Variants in LPA observed in about 807,000 individuals in gnomAD.
The protein encoded by LPA is apolipoprotein(a).
Under a neutral mutation model 197.9 loss-of-function variants are expected in LPA, and 199 were observed. The ratio of observed to expected loss-of-function variants is 1.01; its 90% CI spans 0.90 to 1.13. LPA has a LOEUF of 1.13. Ranked by LOEUF, LPA falls within the 50% of genes most tolerant of loss-of-function variation. The pLI is 0.00. For synonymous variants in LPA, 715 were observed against 639.5 expected, an observed-to-expected ratio of 1.12 and a Z score of -1.78; for missense variants, 1,853 against 1,785.8, an observed-to-expected ratio of 1.04 and a Z score of -0.68.
rs1779199652 is a variant in LPA at position 160,599,617 on chromosome 6, T to C, written c.3170A>G (p.His1057Arg). ...TGTGCCTCGGTAACTCTGTCCATAA[T>C]GGTAGTAGCAGTCCTGTACCCCGGG... ...ETPGVQDCYY[H>R]YGQSYRGTYS... The change falls in exon 20 of 39, where the codon CAT becomes CGT. Residue 1057 changes from histidine (H) to arginine (R), a missense_variant. Coordinates refer to ENST00000316300, the MANE Select transcript of LPA (RefSeq NM_005577.4). The C allele has an allele frequency of 2.5e-6, 4 of 1,614,154 alleles. No individual in the cohort carries two copies. Among genetic ancestry groups the C allele is most frequent in the Non-Finnish European group, 3.4e-6 (4 of 1,179,980 alleles).
intron 30 of LPA, among the ~76,000 whole-genome samples, chr6:160,555,576 T>C (rs1436327929): frequency 2.0e-5 from 3 of 150,258 alleles, no homozygotes; most frequent in Non-Finnish European, 4.4e-5. Flanking sequence ...TACATACTAG[T>C]CTGAATAAAC....
At chr6:160,573,111 A>G (rs6906412) in intron 28 of LPA, among the ~76,000 whole-genome samples, 62,431 of 151,764 alleles carry the variant, frequency 0.41, 13,748 homozygotes, top group African/African-American at 0.58. Context: ...AGACATCTTG[A>G]AGGCTTTGTT....
In LPA at chr6:160,585,139, GT is replaced by G. The variant is rs1167644222; in HGVS notation, c.4195del (p.Thr1399HisfsTer17). On this transcript the variant is annotated frameshift_variant, in exon 26 of 39. Coordinates refer to ENST00000316300, the MANE Select transcript of LPA (RefSeq NM_005577.4). LOFTEE classifies it high-confidence loss of function. Reference sequence around the variant, plus strand: ...TCTTCCTGTGATAGTGGTGGAGAGTGTGCCTCGATAACTCTGTCCATCACCT... The same window carrying G: ...TCTTCCTGTGATAGTGGTGGAGAGTGGCCTCGATAACTCTGTCCATCACCT... ...YRGDGQSYRG[T>X]LSTTITGRTC... The G allele has an allele frequency of 1.2e-5, 19 of 1,613,736 alleles. No individual in the cohort carries two copies. Among genetic ancestry groups the G allele is most frequent in the Non-Finnish European group, 1.6e-5 (19 of 1,179,806 alleles).
intron 1 of LPA, among the ~76,000 whole-genome samples, chr6:160,659,290 A>G (rs947690265): frequency 1.3e-5 from 2 of 152,162 alleles, no homozygotes; most frequent in African/African-American, 4.8e-5. Context: ...GCTGGGGCAC[A>G]CTGGGGTGTG....
intron 16 of LPA, among the ~76,000 whole-genome samples, chr6:160,610,918 G>A (rs1390011169): frequency 1.3e-5 from 2 of 152,044 alleles, no homozygotes; most frequent in Non-Finnish European, 2.9e-5. Flanking sequence ...GTTGATTATG[G>A]CCAAATGATT....
chr6:160,586,458 A>G lies in LPA; in HGVS notation c.4120T>C (p.Ser1374Pro), dbSNP rs1778911970. ...ACTGCAGGCTTCTTACCTTCTTCAG[A>G]AGGAAGCTCTGTGCTTGGAACTGGG... Reference protein sequence around the residue: ...VVPVPSTELPSEEAPTENSTG... With the variant: ...VVPVPSTELPPEEAPTENSTG... Residue 1374 changes from serine to proline, a missense_variant, in exon 25 of 39, where the codon TCT becomes CCT. Ser to Pro is a moderately conservative substitution (Grantham distance 74). Transcript: ENST00000316300. 6.2e-7 allele frequency: 1 copy of G among 1,613,440 alleles called. No homozygotes were observed. Among genetic ancestry groups the G allele is most frequent in the African/African-American group, 1.3e-5 (1 of 74,868 alleles).
At chr6:160,608,998 G>T (rs1440681512) in intron 16 of LPA, among the ~76,000 whole-genome samples, 1 of 152,036 alleles carries the variant, frequency 6.6e-6, no homozygotes, top group African/African-American at 2.4e-5. Flanking sequence ...TTAAGACATA[G>T]CTTTTTACAC....
At chr6:160,651,445 C>T (rs1442359628) in intron 1 of LPA, among the ~76,000 whole-genome samples, 1 of 152,166 alleles carries the variant, frequency 6.6e-6, no homozygotes, top group African/African-American at 2.4e-5. Flanking sequence ...GGAATTTAAA[C>T]CTGTGGTGCA....
At chr6:160,542,666 T>A (rs150325648) in intron 34 of LPA, 22 bp downstream of exon 34, 2 of 1,612,282 alleles carry the variant, frequency 1.2e-6, no homozygotes, top group Non-Finnish European at 1.7e-6. Flanking sequence ...ACAGTATAGA[T>A]GGTTTCTGGG....
At chr6:160,634,905 G>A (rs1442798813) in intron 7 of LPA, among the ~76,000 whole-genome samples, 2 of 150,248 alleles carry the variant, frequency 1.3e-5, no homozygotes, top group African/African-American at 5.1e-5. Context: ...CACCCTGGAA[G>A]GTTTGTGCCC....
intron 1 of LPA, 138 bp from the exon 2 acceptor site, chr6:160,650,635 T>C (rs1779988556): frequency 1.3e-6 from 1 of 764,362 alleles, no homozygotes; most frequent in African/African-American, 1.7e-5. Flanking sequence ...CAGACAGACG[T>C]GCAAAAAACC....
chr6:160,653,909 G>C (rs1187262609), intron 1 of LPA, among the ~76,000 whole-genome samples: 1 of 67,554 alleles, frequency 1.5e-5, no homozygotes, highest in Non-Finnish European at 3.1e-5. Flanking sequence ...GGGTTCTCTA[G>C]AGGGACAGAA....
chr6:160,555,313 G>GTGTA (rs1778241471), intron 30 of LPA, among the ~76,000 whole-genome samples: 1 of 141,518 alleles, frequency 7.1e-6, no homozygotes, highest in African/African-American at 2.6e-5. Flanking sequence ...GTGTGTGTGT[G>GTGTA]TGTGTGTGTA....
chr6:160,658,891 T>TGA (rs4063599), intron 1 of LPA, among the ~76,000 whole-genome samples: 53,445 of 148,774 alleles, frequency 0.36, 9,935 homozygotes, highest in Non-Finnish European at 0.43. Context: ...TATATATATA[T>TGA]GAGAGAGAGA....
At chr6:160,535,245 GGCA>G (rs1777870678) in intron 37 of LPA, among the ~76,000 whole-genome samples, 1 of 680 alleles carries the variant, frequency 1.5e-3, no homozygotes, top group Admixed American at 0.018. Flanking sequence ...TGATGATGGT[GGCA>G]GTGATAATGG....
At chr6:160,548,192 A>T (rs967982258) in intron 31 of LPA, among the ~76,000 whole-genome samples, 1 of 152,186 alleles carries the variant, frequency 6.6e-6, no homozygotes, top group Non-Finnish European at 1.5e-5. Context: ...TGGGACACTG[A>T]AATAACCCAT....
rs9457951 is a variant in LPA, at chr6:160,606,796, C to G, written c.2604-138G>C. ...CCATAAAAGTACCATATGATTGCCA[C>G]AAGCACAAATGGCTCTCAATCACTA... On this transcript the variant is annotated intron_variant, in intron 16 of 38. Transcript: ENST00000316300. 0.011 allele frequency: 14,300 copies of G among 1,347,020 alleles called. 1,169 individuals are homozygous for G. The African/African-American group carries it at 0.18, about 17-fold the overall frequency. The allele number at this position is 1,347,020 out of a possible 1,614,324, so 83.4% of individuals were successfully genotyped here.
intron 1 of LPA, among the ~76,000 whole-genome samples, chr6:160,657,007 T>C (rs1180191547): frequency 6.6e-6 from 1 of 152,220 alleles, no homozygotes; most frequent in Non-Finnish European, 1.5e-5. Context: ...TTATGGTAGT[T>C]ATGCCCACCT....
At chr6:160,533,745 G>A (rs1231137140) in intron 37 of LPA, among the ~76,000 whole-genome samples, 2 of 152,172 alleles carry the variant, frequency 1.3e-5, no homozygotes, top group Non-Finnish European at 2.9e-5. Context: ...GGTGGAAATT[G>A]TCCTGATTCA....
Sources: allele counts gnomAD v4.1 joint callset (sites outside exome capture counted in the v4.1 genomes callset), GRCh38; gene constraint gnomAD v4.1.1; transcripts MANE v1.5; gene names NCBI Gene and HGNC (gene_info 2026-07-23, HGNC 2026-07-21).